The following AK5 variants were observed in gnomAD, a reference collection of about 807,000 sequenced individuals.
The protein encoded by AK5 is adenylate kinase 5.
Under a neutral mutation model 69.5 loss-of-function variants are expected in AK5, and 27 were observed. The ratio of observed to expected loss-of-function variants is 0.39; its 90% confidence interval spans 0.29 to 0.54. The LOEUF (loss-of-function observed/expected upper bound fraction) is 0.54. Ranked by LOEUF, AK5 falls within the 20% of genes least tolerant of loss-of-function variation. The probability of loss-of-function intolerance (pLI) is 0.71; values close to 1 mark genes in which losing one functional copy is unlikely to be tolerated. For missense variants in AK5, 531 were observed against 700.4 expected (o/e 0.76, Z 2.73); for synonymous variants, 260 against 244.4 (o/e 1.06, Z -0.60).
intron 5 of AK5, among the ~76,000 whole-genome samples, chr1:77,336,788 G>T (rs1172501969): frequency 1.3e-5 from 2 of 152,052 alleles, no homozygotes; most frequent in East Asian, 3.9e-4. Context: ...TTGTTTGTCT[G>T]GGAAAGTCTT....
At chr1:77,442,823 A>C (rs900151955) in intron 8 of AK5, among the ~76,000 whole-genome samples, 3 of 152,200 alleles carry the variant, frequency 2.0e-5, no homozygotes, top group South Asian at 2.1e-4. Context: ...GGATGGTGTC[A>C]GTCCAAGGTT....
chr1:77,442,753 T>C (rs1460046089), intron 8 of AK5, among the ~76,000 whole-genome samples: 1 of 152,212 alleles, frequency 6.6e-6, no homozygotes, highest in African/African-American at 2.4e-5. Flanking sequence ...ATCTTGCTGA[T>C]GTCACCATCT....
At chr1:77,487,648 A>G (rs1264143612) in intron 10 of AK5, among the ~76,000 whole-genome samples, 1 of 152,232 alleles carries the variant, frequency 6.6e-6, no homozygotes, top group Non-Finnish European at 1.5e-5. Context: ...TCTCATTGTT[A>G]GATGAGGAAA....
At chr1:77,424,487 T>G (rs903335841) in intron 8 of AK5, among the ~76,000 whole-genome samples, 16 of 152,040 alleles carry the variant, frequency 1.1e-4, no homozygotes, top group African/African-American at 3.6e-4. Context: ...TTTTTAAAAC[T>G]ATGATTAATA....
At chr1:77,408,298 T>C (rs1649795979) in intron 6 of AK5, among the ~76,000 whole-genome samples, 2 of 152,132 alleles carry the variant, frequency 1.3e-5, no homozygotes, top group Admixed American at 6.5e-5. Context: ...AGCATCCATC[T>C]TTTTTTGTCT....
intron 12 of AK5, among the ~76,000 whole-genome samples, chr1:77,523,307 G>C (rs1658099168): frequency 6.6e-6 from 1 of 152,170 alleles, no homozygotes. Flanking sequence ...CCATCAGCAA[G>C]ATGGGGGTGG....
chr1:77,425,417 C>T (rs1457449805), intron 8 of AK5, among the ~76,000 whole-genome samples: 4 of 152,098 alleles, frequency 2.6e-5, no homozygotes, highest in Admixed American at 2.6e-4. Flanking sequence ...GAAACCCCAT[C>T]TCTACTAAAA....
At chr1:77,383,649 C>G (rs1647808159) in intron 6 of AK5, among the ~76,000 whole-genome samples, 1 of 152,068 alleles carries the variant, frequency 6.6e-6, no homozygotes, top group Admixed American at 6.5e-5. Flanking sequence ...TTTCTTGTTT[C>G]TGACCCTAAT....
At chr1:77,454,609 A>G (rs904635150) in intron 8 of AK5, among the ~76,000 whole-genome samples, 2 of 152,236 alleles carry the variant, frequency 1.3e-5, no homozygotes, top group African/African-American at 2.4e-5. Context: ...GAATTAATAG[A>G]TTTACCAAAA....
intron 6 of AK5, among the ~76,000 whole-genome samples, chr1:77,371,184 G>T (rs557816315): frequency 1.3e-5 from 2 of 152,244 alleles, no homozygotes; most frequent in South Asian, 4.2e-4. Flanking sequence ...TCATGGTAAT[G>T]TGCTTTTATT....
chr1:77,394,558 T>A (rs1648710101), intron 6 of AK5, among the ~76,000 whole-genome samples: 1 of 152,176 alleles, frequency 6.6e-6, no homozygotes, highest in Non-Finnish European at 1.5e-5. Context: ...CCTCATTGGA[T>A]TGTGGACTCT....
In AK5 at chr1:77,368,251, ATAATATATATG is replaced by A. The variant is rs1557535604; in HGVS notation, c.891+27685_891+27695del. On this transcript the variant is annotated intron_variant, in intron 6 of 13. Coordinates refer to ENST00000354567, the MANE Select transcript of AK5 (RefSeq NM_174858.3). The stretch of plus-strand genomic sequence containing the variant: ...TATATATATATATATATATATATAT[ATAATATATATG>A]TTATATATATGTTATATATGTTATA... Among the ~76,000 whole-genome samples the A allele has an allele frequency of 3.5e-3, 248 of 70,510 alleles. 4 individuals are homozygous for A. Among genetic ancestry groups the A allele is most frequent in the African/African-American group, 9.2e-3 (234 of 25,318 alleles). 46.3% of individuals were successfully genotyped at this position (70,510 alleles called of 152,430 possible).
chr1:77,537,206 G>A (rs879310868), intron 13 of AK5, among the ~76,000 whole-genome samples: 5 of 152,132 alleles, frequency 3.3e-5, no homozygotes, highest in African/African-American at 7.2e-5. Flanking sequence ...GCCTGAGGAG[G>A]ACTCGGCTGA....
intron 6 of AK5, among the ~76,000 whole-genome samples, chr1:77,404,687 G>C (rs1422028664): frequency 6.6e-6 from 1 of 152,136 alleles, no homozygotes; most frequent in African/African-American, 2.4e-5. Context: ...TTAATTCTGT[G>C]GTCCTGATAT....
chr1:77,555,372 C>A (rs1385430095), intron 13 of AK5, among the ~76,000 whole-genome samples: 1 of 152,162 alleles, frequency 6.6e-6, no homozygotes, highest in African/African-American at 2.4e-5. Flanking sequence ...CCTAGCCTGT[C>A]CCTACAATTC....
chr1:77,538,407 T>A (rs886627574), intron 13 of AK5, among the ~76,000 whole-genome samples: 1 of 147,728 alleles, frequency 6.8e-6, no homozygotes, highest in African/African-American at 2.5e-5. Context: ...ATAAGAGCAA[T>A]GTCTTAAGAA....
chr1:77,294,186 A>G (rs534570965), intron 3 of AK5, among the ~76,000 whole-genome samples: 3 of 152,222 alleles, frequency 2.0e-5, no homozygotes, highest in Non-Finnish European at 2.9e-5. Context: ...TAGATTCCCA[A>G]TAAAAGGTCA....
intron 8 of AK5, among the ~76,000 whole-genome samples, chr1:77,470,877 T>A (rs1185275775): frequency 3.9e-4 from 24 of 61,238 alleles, no homozygotes; most frequent in African/African-American, 1.1e-3. Context: ...ATATATATAT[T>A]TTTTTTTTTT....
intron 6 of AK5, among the ~76,000 whole-genome samples, chr1:77,397,089 G>T (rs1426793604): frequency 6.6e-6 from 1 of 152,164 alleles, no homozygotes; most frequent in Non-Finnish European, 1.5e-5. Context: ...TGTAAGAAAA[G>T]GACATCTCCC....
Sources: gnomAD v4.1 joint callset for allele counts (sites outside exome capture counted in the v4.1 genomes callset) on GRCh38, gnomAD v4.1.1 for gene constraint, MANE v1.5 for transcripts, NCBI Gene and HGNC (gene_info 2026-07-23, HGNC 2026-07-21) for gene names.